The following PTGER2 variants were observed in gnomAD, a reference collection of about 807,000 sequenced individuals.
PTGER2 encodes the protein prostaglandin E2 receptor EP2 subtype.
Under a neutral mutation model 26.2 loss-of-function variants are expected in PTGER2, and 22 were observed. That is an observed-to-expected ratio of 0.84 (90% CI 0.60 to 1.20). PTGER2 has a LOEUF of 1.20. Among genes scored for constraint, PTGER2 ranks in the 50% most tolerant of loss-of-function variants. PTGER2 has a pLI of 0.00. For synonymous variants in PTGER2, 219 were observed against 208.9 expected, an observed-to-expected ratio of 1.05 and a Z score of -0.42; for missense variants, 458 against 475.2, an observed-to-expected ratio of 0.96 and a Z score of 0.34.
intron 1 of PTGER2, among the ~76,000 whole-genome samples, chr14:52,316,409 GTGC>G (rs1425658922): frequency 2.6e-5 from 4 of 152,230 alleles, no homozygotes; most frequent in African/African-American, 9.6e-5. Flanking sequence ...GTCCGAGAAT[GTGC>G]TGGCCTCTTA....
chr14:52,324,275 G>C (rs1001263158), intron 1 of PTGER2, among the ~76,000 whole-genome samples: 27 of 152,188 alleles, frequency 1.8e-4, no homozygotes, highest in African/African-American at 6.0e-4. Context: ...GGGAGGACCT[G>C]GGCCAAGCCT....
At chr14:52,323,164 T>G (rs1424161827) in intron 1 of PTGER2, among the ~76,000 whole-genome samples, 1 of 152,154 alleles carries the variant, frequency 6.6e-6, no homozygotes, top group Non-Finnish European at 1.5e-5. Context: ...GTCCTTCCAT[T>G]TGGGGTCCCT....
chr14:52,315,447 C>T, intron 1 of PTGER2, 56 bp downstream of exon 1: 3 of 1,592,316 alleles, frequency 1.9e-6, no homozygotes, highest in Non-Finnish European at 1.7e-6. Flanking sequence ...CTCATGCTCT[C>T]CCCTGACGCC....
intron 1 of PTGER2, among the ~76,000 whole-genome samples, chr14:52,317,155 G>C (rs1330946518): frequency 6.6e-6 from 1 of 152,184 alleles, no homozygotes; most frequent in Non-Finnish European, 1.5e-5. Context: ...TGGGAATTAA[G>C]ATAATCAGTT....
chr14:52,319,653 GC>G (rs2033875835), intron 1 of PTGER2, among the ~76,000 whole-genome samples: 2 of 152,110 alleles, frequency 1.3e-5, no homozygotes, highest in South Asian at 4.2e-4. Flanking sequence ...CTCTATTCTT[GC>G]CTCAGATACT....
intron 1 of PTGER2, among the ~76,000 whole-genome samples, chr14:52,317,147 G>A (rs191986279): frequency 6.6e-6 from 1 of 152,266 alleles, no homozygotes; most frequent in African/African-American, 2.4e-5. Flanking sequence ...TAGGGTGTTG[G>A]GAATTAAGAT....
At position 52,328,214 on chromosome 14, in the gene PTGER2, CTTTA is replaced by C. The variant is rs35932603; in HGVS notation, c.*766_*769del. ...AAGGCAGTTAATTCTCATTAATACT[CTTTA>C]TTTATCCTATTTCTGGGGGAGGATG... On this transcript the variant is annotated 3_prime_UTR_variant, in exon 2 of 2. Transcript: ENST00000245457. The C allele has an allele frequency of 0.16, 24,665 of 152,548 alleles. 2,400 individuals carry two copies. Among genetic ancestry groups the C allele is most frequent in the South Asian group, 0.46 (2,197 of 4,822 alleles). The allele number at this position is 152,548 out of a possible 1,614,324, so 9.4% of individuals were successfully genotyped here. A position where few individuals can be genotyped will look rare whatever the true frequency, so the allele number is the denominator to read the frequency against.
chr14:52,321,005 C>A (rs1386601895), intron 1 of PTGER2, among the ~76,000 whole-genome samples: 1 of 152,294 alleles, frequency 6.6e-6, no homozygotes, highest in South Asian at 2.1e-4. Context: ...TAGTGTCCAT[C>A]AGTTTGTCAA....
intron 1 of PTGER2, among the ~76,000 whole-genome samples, chr14:52,323,200 G>T (rs1027376370): frequency 6.6e-6 from 1 of 152,130 alleles, no homozygotes; most frequent in Non-Finnish European, 1.5e-5. Flanking sequence ...CTGGGGAAGG[G>T]AGAAATGCCT....
chr14:52,326,479 A>T (rs1226287299), intron 1 of PTGER2, among the ~76,000 whole-genome samples: 2 of 152,216 alleles, frequency 1.3e-5, no homozygotes, highest in East Asian at 3.8e-4. Context: ...ACTTCCTATC[A>T]TCCTTTCAGC....
chr14:52,321,388 A>G (rs552608157), intron 1 of PTGER2, among the ~76,000 whole-genome samples: 4 of 152,346 alleles, frequency 2.6e-5, no homozygotes, highest in Non-Finnish European at 5.9e-5. Flanking sequence ...GAGGAAAAAC[A>G]AGTCCCAGAG....
chr14:52,324,836 C>T (rs1403188243), intron 1 of PTGER2, among the ~76,000 whole-genome samples: 1 of 151,998 alleles, frequency 6.6e-6, no homozygotes. Flanking sequence ...TGTCTCTTCT[C>T]CAAGTATAAA....
chr14:52,321,348 A>G (rs566915349), intron 1 of PTGER2, among the ~76,000 whole-genome samples: 1 of 152,304 alleles, frequency 6.6e-6, no homozygotes, highest in Admixed American at 6.5e-5. Flanking sequence ...ATAACAATCT[A>G]TGCTTGCAAT....
At chr14:52,322,812 C>G (rs992423943) in intron 1 of PTGER2, among the ~76,000 whole-genome samples, 1 of 152,150 alleles carries the variant, frequency 6.6e-6, no homozygotes, top group Non-Finnish European at 1.5e-5. Flanking sequence ...AGTTTATAGG[C>G]TCTCTGCAAG....
chr14:52,324,362 T>A (rs1254585), intron 1 of PTGER2, among the ~76,000 whole-genome samples: 2 of 152,022 alleles, frequency 1.3e-5, no homozygotes, highest in Admixed American at 6.6e-5. Context: ...TTCAGCAGGC[T>A]CTAAGCTATA....
rs181468557 is a variant in PTGER2, at chr14:52,327,319, C to A, written c.942C>A (p.Val314=). 21 of 1,612,930 alleles carry A rather than the reference C, an allele frequency of 1.3e-5. No individual in the cohort carries two copies. In the African/African-American group the frequency reaches 1.5e-4, roughly 11 times the overall value. Residue 314 remains valine (V), a synonymous_variant, in exon 2 of 2, where the codon GTC becomes GTA. Coordinates refer to ENST00000245457, the MANE Select transcript of PTGER2 (RefSeq NM_000956.4). The part of the protein sequence containing the change: ...LSINSIIDPW[V]FAILRPPVLR... ...TTAATTCAATAATTGACCCTTGGGT[C>A]TTTGCCATCCTTAGGCCTCCTGTTC... is the stretch of plus-strand genomic sequence containing the variant.
chr14:52,321,399 A>G (rs947461771), intron 1 of PTGER2, among the ~76,000 whole-genome samples: 5 of 152,232 alleles, frequency 3.3e-5, no homozygotes, highest in African/African-American at 1.2e-4. Flanking sequence ...AGTCCCAGAG[A>G]AAGCTAAGTA....
chr14:52,327,126 T>G, intron 1 of PTGER2, 95 bp from the exon 2 acceptor site: 1 of 906,354 alleles, frequency 1.1e-6, no homozygotes, highest in Non-Finnish European at 1.7e-6. Flanking sequence ...CAAAACATGG[T>G]TTTGCTTTTA....
At chr14:52,316,432 G>A (rs562693098) in intron 1 of PTGER2, among the ~76,000 whole-genome samples, 86 of 152,328 alleles carry the variant, frequency 5.6e-4, no homozygotes, top group Middle Eastern at 3.4e-3. Flanking sequence ...ACGGGGGCTA[G>A]GAATTGGGAG....
Sources: allele counts gnomAD v4.1 joint callset (sites outside exome capture counted in the v4.1 genomes callset), GRCh38; gene constraint gnomAD v4.1.1; transcripts MANE v1.5; gene names NCBI Gene and HGNC (gene_info 2026-07-23, HGNC 2026-07-21).